Variants in C2CD2 observed in about 807,000 individuals in gnomAD.
C2CD2 encodes C2 calcium dependent domain containing 2, also known as C2 domain-containing protein 2.
Under a neutral mutation model 74.3 loss-of-function variants are expected in C2CD2, and 43 were observed. The observed-to-expected ratio is 0.58, with a 90% CI of 0.45 to 0.75. The LOEUF is 0.75. Ranked by LOEUF, C2CD2 falls within the 30% of genes least tolerant of loss-of-function variation. C2CD2 has a pLI of 0.00. For missense variants in C2CD2, 801 were observed against 916.3 expected (o/e 0.87, Z 1.63); for synonymous variants, 422 against 390.7 (o/e 1.08, Z -0.94).
chr21:41,888,993 C>G lies in C2CD2; in HGVS notation c.*131G>C, dbSNP rs750388485. Reference sequence around the variant, plus strand: ...CAGATTTTGTTTTCCCTTTAAATGACGAGATGGTTGGAAGAAACCCAGCAA... The same window carrying G: ...CAGATTTTGTTTTCCCTTTAAATGAGGAGATGGTTGGAAGAAACCCAGCAA... On this transcript the variant is annotated 3_prime_UTR_variant, in exon 14 of 14. Transcript: ENST00000380486. The G allele has an allele frequency of 2.4e-5, 17 of 711,050 alleles. 1 individual carries two copies. In the Admixed American group the frequency reaches 3.8e-4, roughly 16 times the overall value. 44.0% of individuals were successfully genotyped at this position (711,050 alleles called of 1,614,324 possible).
At chr21:41,933,673 C>G (rs891283453) in intron 2 of C2CD2, among the ~76,000 whole-genome samples, 1 of 152,258 alleles carries the variant, frequency 6.6e-6, no homozygotes, top group African/African-American at 2.4e-5. Flanking sequence ...TTCCCAGGAG[C>G]CCGGGCAGAT....
At chr21:41,949,214 A>G (rs1236034867) in intron 1 of C2CD2, among the ~76,000 whole-genome samples, 1 of 152,214 alleles carries the variant, frequency 6.6e-6, no homozygotes, top group African/African-American at 2.4e-5. Flanking sequence ...ACTGTAGGAC[A>G]GCAGTCCCGG....
intron 2 of C2CD2, among the ~76,000 whole-genome samples, chr21:41,925,959 G>A (rs575979063): frequency 1.7e-4 from 26 of 152,298 alleles, no homozygotes; most frequent in African/African-American, 4.6e-4. Context: ...TGAGCTCTTC[G>A]GGGAATTCCA....
chr21:41,919,780 G>A (rs35905243), intron 3 of C2CD2, among the ~76,000 whole-genome samples: 195 of 152,278 alleles, frequency 1.3e-3, no homozygotes, highest in Non-Finnish European at 1.6e-3. Flanking sequence ...CAGAACAGCG[G>A]CCCCCAAAGA....
chr21:41,953,379 C>T lies in C2CD2; in HGVS notation c.270G>A (p.Glu90=). 3 of 1,418,508 alleles carry T rather than the reference C, an allele frequency of 2.1e-6. No homozygotes were observed. Among genetic ancestry groups the T allele is most frequent in the Non-Finnish European group, 2.8e-6 (3 of 1,083,094 alleles). The allele number at this position is 1,418,508 out of a possible 1,614,324, so 87.9% of individuals were successfully genotyped here. ...AGTCCCGGAAACTCACCCCTTTCCT[C>T]TCGGCCTCCTCGTTCAGGGCGGTCA... ...AWVTALNEEA[E]RKGGPPFLSF... The change falls in exon 1 of 14, where the codon GAG becomes GAA. Residue 90 remains glutamate, a synonymous_variant. Transcript: ENST00000380486.
At chr21:41,919,104 G>T in intron 3 of C2CD2, 144 bp from the exon 4 acceptor site, 1 of 657,980 alleles carries the variant, frequency 1.5e-6, no homozygotes, top group Non-Finnish European at 2.7e-6. Flanking sequence ...GAGTGCATGT[G>T]AGTGTGCGTG....
In C2CD2 at chr21:41,929,810, A is replaced by G. The variant is rs984834708; in HGVS notation, c.379-7725T>C. Among the ~76,000 whole-genome samples, 1 of 152,244 alleles carries G rather than the reference A, an allele frequency of 6.6e-6. No homozygotes were observed. The highest frequency in any genetic ancestry group is 1.5e-5 in the Non-Finnish European group (1 of 68,040). ...AGTTACGTTGAAAGCCACAGTTACC[A>G]TACTGTAACCAGAATTCAGGCAGTG... On this transcript the variant is annotated intron_variant, in intron 2 of 13. Transcript: ENST00000380486. This position sits in a 1 kb window ranked among gnomAD's most constrained non-coding sequence, Gnocchi z 4.6.
intron 2 of C2CD2, among the ~76,000 whole-genome samples, chr21:41,930,606 G>A (rs1163403037): frequency 6.7e-6 from 1 of 149,614 alleles, no homozygotes; most frequent in South Asian, 2.1e-4. Context: ...GGAGGCTGAG[G>A]CAGGAGAGTC....
At chr21:41,936,948 A>G (rs1469877620) in intron 2 of C2CD2, among the ~76,000 whole-genome samples, 1 of 148,208 alleles carries the variant, frequency 6.7e-6, no homozygotes, top group Non-Finnish European at 1.5e-5. Context: ...CCTCCTAAGT[A>G]GCTGGGATTA....
At chr21:41,951,255 G>A (rs141645304) in intron 1 of C2CD2, among the ~76,000 whole-genome samples, 305 of 152,232 alleles carry the variant, frequency 2.0e-3, no homozygotes, top group Non-Finnish European at 3.4e-3. Context: ...GTGTGTGACC[G>A]TCACTCACAG....
At chr21:41,938,166 T>C (rs981759100) in intron 2 of C2CD2, among the ~76,000 whole-genome samples, 1 of 150,832 alleles carries the variant, frequency 6.6e-6, no homozygotes, top group Non-Finnish European at 1.5e-5. Flanking sequence ...ATTCCACACG[T>C]GTATATATAT....
intron 1 of C2CD2, 107 bp from the exon 2 acceptor site, chr21:41,942,352 T>C: frequency 1.2e-6 from 1 of 835,740 alleles, no homozygotes; most frequent in Non-Finnish European, 1.9e-6. Context: ...TACTAACACA[T>C]CTTTCTGTGA....
rs2065032682 is a variant in C2CD2 at position 41,912,112 on chromosome 21, A to G, written c.953+220T>C. 6.1e-6 allele frequency: 3 copies of G among 491,470 alleles called. No individual in the cohort carries two copies. In the East Asian group the frequency reaches 1.0e-4, roughly 17 times the overall value. 30.4% of individuals were successfully genotyped at this position (491,470 alleles called of 1,614,324 possible). On this transcript the variant is annotated intron_variant, in intron 7 of 13. Coordinates refer to ENST00000380486, the MANE Select transcript of C2CD2 (RefSeq NM_015500.2). ...GACCCCACGATGGCTCCCTCTCATC[A>G]TATCAGGGCAGGAGGAGAAAACTGA...
intron 2 of C2CD2, among the ~76,000 whole-genome samples, chr21:41,930,600 G>A (rs2065253633): frequency 6.7e-6 from 1 of 149,616 alleles, no homozygotes. Context: ...TACTCAGGAG[G>A]CTGAGGCAGG....
rs1435411860 is a variant in C2CD2 at position 41,923,396 on chromosome 21, G to C, written c.379-1311C>G. ...CATTCATACACAGTCAAAGCCATTAGCCAAGTTCTTTTGCTAAAAATGAGT... is the reference window on the plus strand; with the variant it reads ...CATTCATACACAGTCAAAGCCATTACCCAAGTTCTTTTGCTAAAAATGAGT... On this transcript the variant is annotated intron_variant, in intron 2 of 13. Transcript: ENST00000380486. The surrounding 1 kb of genome is among the most constrained non-coding windows in gnomAD (Gnocchi z 5.8). Among the ~76,000 whole-genome samples, 1 of 152,108 alleles carries C rather than the reference G, an allele frequency of 6.6e-6. No individual in the cohort carries two copies. The highest frequency in any genetic ancestry group is 1.5e-5 in the Non-Finnish European group (1 of 68,036).
chr21:41,949,230 C>T, intron 1 of C2CD2, among the ~76,000 whole-genome samples: 1 of 152,110 alleles, frequency 6.6e-6, no homozygotes, highest in East Asian at 1.9e-4. Flanking sequence ...CCCGGAGACT[C>T]CCAAGGGGAT....
At chr21:41,913,007 C>T (rs2065046368) in intron 6 of C2CD2, among the ~76,000 whole-genome samples, 1 of 152,236 alleles carries the variant, frequency 6.6e-6, no homozygotes, top group African/African-American at 2.4e-5. Flanking sequence ...ACCTCGCCCC[C>T]TCCGTCAGTG....
intron 1 of C2CD2, chr21:41,943,029 G>A (rs2065368278): frequency 1.4e-6 from 1 of 731,280 alleles, no homozygotes; most frequent in South Asian, 6.0e-5. Context: ...AGCCAGGCAT[G>A]GTGGCTCACA....
intron 12 of C2CD2, among the ~76,000 whole-genome samples, chr21:41,900,164 C>T (rs2064876801): frequency 6.6e-6 from 1 of 152,066 alleles, no homozygotes; most frequent in Non-Finnish European, 1.5e-5. Context: ...CTCCCAGCTA[C>T]TCAGGAGGCC....
Sources: allele counts gnomAD v4.1 joint callset (sites outside exome capture counted in the v4.1 genomes callset), GRCh38; gene constraint gnomAD v4.1.1; non-coding constraint Gnocchi (gnomAD v3.1); transcripts MANE v1.5; gene names NCBI Gene and HGNC (gene_info 2026-07-23, HGNC 2026-07-21).